The following PARN variants were observed in gnomAD, a reference collection of about 807,000 sequenced individuals.
The protein encoded by PARN is poly(A)-specific ribonuclease PARN.
Under a neutral mutation model 102.8 loss-of-function variants are expected in PARN, and 71 were observed. The ratio of observed to expected loss-of-function variants is 0.69; its 90% CI spans 0.57 to 0.84. PARN has a LOEUF of 0.84. Ranked by LOEUF, PARN falls within the 40% of genes least tolerant of loss-of-function variation. PARN has a pLI of 0.00. For missense variants in PARN, 782 were observed against 760.9 expected, an observed-to-expected ratio of 1.03 and a Z score of -0.33; for synonymous variants, 261 against 252.9, an observed-to-expected ratio of 1.03 and a Z score of -0.30.
At chr16:14,465,723 A>C (rs1962304881) in intron 22 of PARN, among the ~76,000 whole-genome samples, 1 of 152,164 alleles carries the variant, frequency 6.6e-6, no homozygotes, top group African/African-American at 2.4e-5. Flanking sequence ...GAAAAAGAAG[A>C]CCAAAGAGAA....
At chr16:14,465,381 C>T (rs1014286780) in intron 22 of PARN, among the ~76,000 whole-genome samples, 2 of 152,084 alleles carry the variant, frequency 1.3e-5, no homozygotes, top group East Asian at 1.9e-4. Flanking sequence ...ATGCACCCAG[C>T]GTAAGATTTC....
chr16:14,595,310 T>C (rs1876347029), intron 12 of PARN, among the ~76,000 whole-genome samples: 1 of 152,166 alleles, frequency 6.6e-6, no homozygotes, highest in East Asian at 1.9e-4. Flanking sequence ...TACTGGAATC[T>C]GAGGTATCAG....
chr16:14,521,818 C>A (rs1239450619), intron 21 of PARN, among the ~76,000 whole-genome samples: 1 of 151,688 alleles, frequency 6.6e-6, no homozygotes. Flanking sequence ...AAAAAAAATA[C>A]ACGTAACCAC....
chr16:14,550,968 C>CA (rs1040016118), intron 21 of PARN, among the ~76,000 whole-genome samples: 96 of 150,556 alleles, frequency 6.4e-4, no homozygotes, highest in Non-Finnish European at 2.1e-4. Context: ...GAATCCCCTC[C>CA]TTTTTTTTTC....
At chr16:14,513,812 C>T (rs556993093) in intron 21 of PARN, among the ~76,000 whole-genome samples, 13 of 152,292 alleles carry the variant, frequency 8.5e-5, no homozygotes, top group East Asian at 7.7e-4. Context: ...CCCTGACTGC[C>T]GCAGACGAGG....
intron 22 of PARN, among the ~76,000 whole-genome samples, chr16:14,457,785 G>A (rs1474660042): frequency 1.8e-5 from 2 of 112,360 alleles, no homozygotes; most frequent in Non-Finnish European, 3.4e-5. Flanking sequence ...GGGACACAGT[G>A]AGACTCTGTC....
chr16:14,454,002 T>C (rs1430500051), intron 22 of PARN, among the ~76,000 whole-genome samples: 2 of 152,354 alleles, frequency 1.3e-5, no homozygotes, highest in African/African-American at 4.8e-5. Flanking sequence ...TACAGGAAAC[T>C]GCCAAACTAT....
intron 18 of PARN, among the ~76,000 whole-genome samples, chr16:14,573,194 T>C (rs889279923): frequency 6.6e-6 from 1 of 152,196 alleles, no homozygotes; most frequent in African/African-American, 2.4e-5. Flanking sequence ...TTTATTTATT[T>C]TTAATTAACA....
At position 14,446,944 on chromosome 16, in the gene PARN, T is replaced by C. The variant is rs763229128; in HGVS notation, c.1808A>G (p.Glu603Gly). 3 of 1,613,738 alleles carry C rather than the reference T, an allele frequency of 1.9e-6. No individual in the cohort carries two copies. The South Asian group carries it at 3.3e-5, about 18-fold the overall frequency. The change falls in exon 23 of 24, where the codon GAG becomes GGG. Residue 603 changes from glutamate (E) to glycine (G), a missense_variant. Physicochemically the swap from Glu to Gly is moderately conservative, Grantham distance 98. Coordinates refer to ENST00000437198, the MANE Select transcript of PARN (RefSeq NM_002582.4). ...QTDSCAEPLS[E>G]GRKKAKKLKR... ...TAATTTCTTGGCCTTTTTCCTTCCC[T>C]CTGAGAGGGGCTCTGCACAGGAATC...
intron 18 of PARN, among the ~76,000 whole-genome samples, chr16:14,574,720 A>C (rs888553354): frequency 2.0e-5 from 3 of 152,208 alleles, no homozygotes; most frequent in African/African-American, 7.2e-5. Context: ...CTCAAAAAAA[A>C]AGAAAAGAAA....
At chr16:14,451,843 T>TAAAAAAA (rs1184998225) in intron 22 of PARN, among the ~76,000 whole-genome samples, 42 of 54,608 alleles carry the variant, frequency 7.7e-4, no homozygotes, top group Admixed American at 1.4e-3. Context: ...ACCCCGTCTC[T>TAAAAAAA]AAAAAAAAAA....
At chr16:14,450,942 A>G (rs1413984016) in intron 22 of PARN, among the ~76,000 whole-genome samples, 2 of 152,184 alleles carry the variant, frequency 1.3e-5, no homozygotes, top group Non-Finnish European at 2.9e-5. Context: ...GTCTACATCA[A>G]TACGTAAGAC....
At chr16:14,533,036 T>A (rs1344979712) in intron 21 of PARN, among the ~76,000 whole-genome samples, 4 of 151,938 alleles carry the variant, frequency 2.6e-5, no homozygotes, top group Admixed American at 2.0e-4. Context: ...TCTCAGCACT[T>A]TGGGAGGCCA....
At chr16:14,517,239 G>A (rs1965503519) in intron 21 of PARN, among the ~76,000 whole-genome samples, 1 of 152,248 alleles carries the variant, frequency 6.6e-6, no homozygotes, top group African/African-American at 2.4e-5. Context: ...CATGAGACCT[G>A]CTTTGGCTGA....
chr16:14,580,627 T>C (rs767504902), intron 18 of PARN, among the ~76,000 whole-genome samples: 2 of 152,040 alleles, frequency 1.3e-5, no homozygotes, highest in East Asian at 3.9e-4. Flanking sequence ...CAGTTCTTTT[T>C]CTTGGAAGAG....
intron 21 of PARN, among the ~76,000 whole-genome samples, chr16:14,507,423 G>A (rs754457465): frequency 2.4e-4 from 37 of 152,152 alleles, no homozygotes; most frequent in African/African-American, 4.1e-4. Context: ...AAGGCCAGGC[G>A]TGGTGGCTCA....
chr16:14,600,309 C>T (rs1371100890), intron 11 of PARN, among the ~76,000 whole-genome samples: 1 of 152,194 alleles, frequency 6.6e-6, no homozygotes, highest in Admixed American at 6.5e-5. Context: ...AGGCTAAACT[C>T]AGTAACACAT....
At chr16:14,584,246 A>C in intron 16 of PARN, 101 bp downstream of exon 16, 1 of 786,170 alleles carries the variant, frequency 1.3e-6, no homozygotes, top group East Asian at 2.6e-5. Flanking sequence ...AAAATCTATA[A>C]ATGAACAATA....
At chr16:14,543,906 A>C (rs1357975997) in intron 21 of PARN, among the ~76,000 whole-genome samples, 2 of 152,228 alleles carry the variant, frequency 1.3e-5, no homozygotes, top group Admixed American at 1.3e-4. Context: ...ATAAAAAAGC[A>C]AAACCCGGCT....
Sources: allele counts gnomAD v4.1 joint callset (sites outside exome capture counted in the v4.1 genomes callset), GRCh38; gene constraint gnomAD v4.1.1; transcripts MANE v1.5; gene names NCBI Gene and HGNC (gene_info 2026-07-23, HGNC 2026-07-21).